The following NUBPL variants were observed in gnomAD, a reference collection of about 807,000 sequenced individuals.
NUBPL encodes NUBP iron-sulfur cluster assembly factor, mitochondrial.
Under a neutral mutation model 45.7 loss-of-function variants are expected in NUBPL, and 31 were observed. The ratio of observed to expected loss-of-function variants is 0.68; its 90% CI spans 0.51 to 0.92. The LOEUF (loss-of-function observed/expected upper bound fraction) is 0.92, where lower values mean the gene tolerates loss of function less well. Ranked by LOEUF, NUBPL falls within the 40% of genes least tolerant of loss-of-function variation. The pLI is 0.00. For missense variants in NUBPL, 401 were observed against 398.7 expected (o/e 1.01, Z -0.05); for synonymous variants, 144 against 140.9 (o/e 1.02, Z -0.15).
At chr14:31,847,264 A>G (rs1389914592) in intron 9 of NUBPL, among the ~76,000 whole-genome samples, 2 of 152,244 alleles carry the variant, frequency 1.3e-5, no homozygotes, top group African/African-American at 4.8e-5. Flanking sequence ...TCTGTTCCGT[A>G]TGTTGTAAAA....
At chr14:31,853,874 C>A (rs1464124413) in intron 10 of NUBPL, among the ~76,000 whole-genome samples, 1 of 152,132 alleles carries the variant, frequency 6.6e-6, no homozygotes, top group Non-Finnish European at 1.5e-5. Context: ...TCCCCGCATG[C>A]TGGTATGATT....
At chr14:31,821,866 A>C (rs1338085847) in intron 7 of NUBPL, among the ~76,000 whole-genome samples, 1 of 152,244 alleles carries the variant, frequency 6.6e-6, no homozygotes, top group African/African-American at 2.4e-5. Context: ...GAAAAGAATG[A>C]GATCCTGTCA....
At chr14:31,658,775 G>A (rs760919497) in intron 4 of NUBPL, among the ~76,000 whole-genome samples, 1 of 152,136 alleles carries the variant, frequency 6.6e-6, no homozygotes, top group African/African-American at 2.4e-5. Flanking sequence ...GCCTCCCAAA[G>A]TGCTGGGATT....
chr14:31,621,694 C>T (rs1009371410), intron 4 of NUBPL, among the ~76,000 whole-genome samples: 2 of 152,214 alleles, frequency 1.3e-5, no homozygotes, highest in South Asian at 2.1e-4. Flanking sequence ...CCTTCTGCGT[C>T]GATCTCGCTG....
chr14:31,605,421 G>C (rs2034557777), intron 4 of NUBPL, among the ~76,000 whole-genome samples: 1 of 152,186 alleles, frequency 6.6e-6, no homozygotes, highest in Non-Finnish European at 1.5e-5. Context: ...CCTGTGGAGA[G>C]AGTTTACTAA....
intron 3 of NUBPL, among the ~76,000 whole-genome samples, chr14:31,591,579 T>A (rs1314372788): frequency 2.0e-5 from 3 of 152,194 alleles, no homozygotes; most frequent in Non-Finnish European, 4.4e-5. Context: ...ATATTAGATT[T>A]TCTGGGGAGA....
chr14:31,819,512 A>G (rs961019670), intron 7 of NUBPL, among the ~76,000 whole-genome samples: 3 of 152,188 alleles, frequency 2.0e-5, no homozygotes, highest in African/African-American at 7.2e-5. Flanking sequence ...CCTGGGGACT[A>G]GAATGCATAG....
chr14:31,605,349 T>C (rs886768068), intron 4 of NUBPL, among the ~76,000 whole-genome samples: 1 of 152,218 alleles, frequency 6.6e-6, no homozygotes, highest in African/African-American at 2.4e-5. Flanking sequence ...AATTTATTAC[T>C]ACTTAGTTTT....
chr14:31,728,867 T>C (rs1335908957), intron 6 of NUBPL, among the ~76,000 whole-genome samples: 2 of 152,244 alleles, frequency 1.3e-5, no homozygotes, highest in Non-Finnish European at 1.5e-5. Flanking sequence ...GGGGATCTTC[T>C]TATGAAACTG....
intron 6 of NUBPL, among the ~76,000 whole-genome samples, chr14:31,756,082 A>G (rs1005207544): frequency 6.6e-6 from 1 of 151,930 alleles, no homozygotes; most frequent in Non-Finnish European, 1.5e-5. Context: ...TACCAGTACC[A>G]TGCTGTTTTG....
chr14:31,627,554 G>A (rs551568080), intron 4 of NUBPL, among the ~76,000 whole-genome samples: 1 of 151,992 alleles, frequency 6.6e-6, no homozygotes, highest in South Asian at 2.1e-4. Context: ...CGAGGCGGGC[G>A]GATCACGAGG....
chr14:31,573,101 A>T (rs535336614), intron 3 of NUBPL, among the ~76,000 whole-genome samples: 65 of 152,292 alleles, frequency 4.3e-4, no homozygotes, highest in African/African-American at 1.5e-3. Context: ...TACAAGTAGC[A>T]CAGTAGGTTT....
At chr14:31,645,371 G>A (rs898183812) in intron 4 of NUBPL, among the ~76,000 whole-genome samples, 1 of 152,128 alleles carries the variant, frequency 6.6e-6, no homozygotes, top group South Asian at 2.1e-4. Context: ...CAGCTGTGAG[G>A]TGCATTTCTA....
At chr14:31,666,255 A>G (rs1282176828) in intron 4 of NUBPL, among the ~76,000 whole-genome samples, 1 of 24,732 alleles carries the variant, frequency 4.0e-5, no homozygotes, top group Non-Finnish European at 7.0e-5. Context: ...ATATATATAT[A>G]TATATATAAT....
chr14:31,813,832 A>G (rs1595668388), intron 7 of NUBPL, among the ~76,000 whole-genome samples: 1 of 152,276 alleles, frequency 6.6e-6, no homozygotes, highest in South Asian at 2.1e-4. Flanking sequence ...GATGATTTCC[A>G]GCTTCATCCA....
At chr14:31,819,909 G>T (rs1423151281) in intron 7 of NUBPL, among the ~76,000 whole-genome samples, 1 of 152,132 alleles carries the variant, frequency 6.6e-6, no homozygotes. Context: ...AGGAGGCTGA[G>T]GTGGGCGGAT....
At chr14:31,593,024 G>A (rs1437841274) in intron 3 of NUBPL, among the ~76,000 whole-genome samples, 1 of 151,174 alleles carries the variant, frequency 6.6e-6, no homozygotes, top group African/African-American at 2.4e-5. Context: ...AACCAACTGT[G>A]GATCAAAAAT....
intron 4 of NUBPL, among the ~76,000 whole-genome samples, chr14:31,631,207 C>T (rs1307470792): frequency 1.3e-5 from 2 of 151,882 alleles, no homozygotes; most frequent in Non-Finnish European, 2.9e-5. Context: ...ATGTTTTGTC[C>T]AGTTTTCTAG....
chr14:31,646,664 T>A (rs1170559244), intron 4 of NUBPL, among the ~76,000 whole-genome samples: 1 of 152,168 alleles, frequency 6.6e-6, no homozygotes, highest in Non-Finnish European at 1.5e-5. Context: ...TCTTTTTGAG[T>A]TTGATTATTA....
Sources: gnomAD v4.1 joint callset for allele counts (sites outside exome capture counted in the v4.1 genomes callset) on GRCh38, gnomAD v4.1.1 for gene constraint, MANE v1.5 for transcripts, NCBI Gene and HGNC (gene_info 2026-07-23, HGNC 2026-07-21) for gene names.